The following TMEM232 variants were observed in gnomAD, a reference collection of about 807,000 sequenced individuals.
TMEM232 encodes the protein transmembrane protein 232.
TMEM232 carries 80 observed loss-of-function variants against 78.8 expected under a neutral mutation model. The ratio of observed to expected loss-of-function variants is 1.01; its 90% CI spans 0.85 to 1.22. The LOEUF (loss-of-function observed/expected upper bound fraction) is 1.22. Among genes scored for constraint, TMEM232 ranks in the 50% most tolerant of loss-of-function variants. TMEM232 has a pLI of 0.00. For missense variants in TMEM232, 881 were observed against 742.2 expected (o/e 1.19, Z -2.17); for synonymous variants, 297 against 254.3 (o/e 1.17, Z -1.60).
chr5:110,440,766 C>T (rs555026148), intron 12 of TMEM232, among the ~76,000 whole-genome samples: 2 of 152,286 alleles, frequency 1.3e-5, no homozygotes, highest in South Asian at 4.1e-4. Context: ...GCACTATCTT[C>T]TTGCCTCTGG....
intron 4 of TMEM232, 54 bp downstream of exon 4, chr5:110,640,837 C>T: frequency 1.6e-6 from 2 of 1,276,920 alleles, no homozygotes; most frequent in Non-Finnish European, 2.1e-6. Context: ...ATTATGCCTT[C>T]ACTGATGATA....
At chr5:110,612,082 G>C (rs1782366901) in intron 8 of TMEM232, among the ~76,000 whole-genome samples, 1 of 152,124 alleles carries the variant, frequency 6.6e-6, no homozygotes, top group Admixed American at 6.6e-5. Flanking sequence ...ATCCAGGGAA[G>C]ATCTACAGTC....
In TMEM232 at chr5:110,718,249, T is replaced by C. The variant is rs539750208; in HGVS notation, c.-13+8378A>G. ...TTATCATTTTAAAAATCAGAAAAAA[T>C]CTGAATTCCAAAAGTCTACCTCCAA... is the stretch of plus-strand genomic sequence containing the variant. On this transcript the variant is annotated intron_variant, in intron 1 of 13. Coordinates refer to ENST00000455884, the MANE Select transcript of TMEM232 (RefSeq NM_001039763.4). 3.9e-5 allele frequency among the ~76,000 whole-genome samples: 6 copies of C among 152,174 alleles called. No homozygotes were observed. In the East Asian group the frequency reaches 1.2e-3, roughly 29 times the overall value.
At chr5:110,505,864 T>G (rs1027552643) in intron 12 of TMEM232, among the ~76,000 whole-genome samples, 1 of 152,194 alleles carries the variant, frequency 6.6e-6, no homozygotes, top group Non-Finnish European at 1.5e-5. Context: ...CATGCTTCTT[T>G]ATTTCCTTTC....
At chr5:110,407,030 A>G (rs1470064039) in intron 2 of TMEM232, among the ~76,000 whole-genome samples, 2 of 152,088 alleles carry the variant, frequency 1.3e-5, no homozygotes, top group African/African-American at 4.8e-5. Context: ...AAAACATACT[A>G]TCAGAGATAA....
At chr5:110,455,423 G>T (rs1487077592) in intron 12 of TMEM232, among the ~76,000 whole-genome samples, 2 of 151,384 alleles carry the variant, frequency 1.3e-5, no homozygotes, top group African/African-American at 4.9e-5. Context: ...TGTTGCCCAG[G>T]CTGGAGTGCA....
intron 11 of TMEM232, among the ~76,000 whole-genome samples, chr5:110,554,705 AT>A (rs1774872168): frequency 6.6e-6 from 1 of 152,098 alleles, no homozygotes; most frequent in Non-Finnish European, 1.5e-5. Context: ...TTCCTCCTCA[AT>A]TTTTTGGAAT....
upstream of TMEM232, among the ~76,000 whole-genome samples, chr5:110,738,565 C>A (rs1310137345): frequency 6.6e-6 from 1 of 152,010 alleles, no homozygotes; most frequent in African/African-American, 2.4e-5. Context: ...ATCCAAAACC[C>A]CAAGTGCGGG....
intron 13 of TMEM232, 125 bp from the exon 14 acceptor site, chr5:110,420,881 A>C: frequency 7.8e-7 from 1 of 1,274,812 alleles, no homozygotes; most frequent in Non-Finnish European, 1.0e-6. Context: ...ACATTCCTCA[A>C]AAATTTTATA....
chr5:110,469,049 A>G (rs565387452), intron 12 of TMEM232, among the ~76,000 whole-genome samples: 25 of 152,268 alleles, frequency 1.6e-4, no homozygotes, highest in Non-Finnish European at 3.4e-4. Flanking sequence ...AGCAGCCCCA[A>G]TCAACATTTT....
intron 1 of TMEM232, among the ~76,000 whole-genome samples, chr5:110,713,016 A>G (rs1257300705): frequency 6.6e-6 from 1 of 152,240 alleles, no homozygotes; most frequent in East Asian, 1.9e-4. Flanking sequence ...CTAAGCGTCC[A>G]TCAACAGATG....
At chr5:110,667,705 A>G in intron 1 of TMEM232, 1 of 159,630 alleles carries the variant, frequency 6.3e-6, no homozygotes, top group East Asian at 1.8e-4. Context: ...CTGTAAAATG[A>G]GAATGGTATT....
At chr5:110,439,061 T>C (rs1210460318) in intron 12 of TMEM232, among the ~76,000 whole-genome samples, 1 of 152,186 alleles carries the variant, frequency 6.6e-6, no homozygotes, top group Non-Finnish European at 1.5e-5. Flanking sequence ...TTGGTACAAG[T>C]AATAAGTCAT....
intron 1 of TMEM232, among the ~76,000 whole-genome samples, chr5:110,709,090 T>C (rs760926210): frequency 3.3e-5 from 5 of 152,068 alleles, no homozygotes; most frequent in Middle Eastern, 3.2e-3. Context: ...GCTATACTTA[T>C]TTAAACAAAA....
At chr5:110,571,098 C>A (rs934008139) in intron 10 of TMEM232, among the ~76,000 whole-genome samples, 8 of 152,020 alleles carry the variant, frequency 5.3e-5, no homozygotes, top group Admixed American at 4.6e-4. Flanking sequence ...ATTAGGAATC[C>A]TTCTCTGAAT....
intron 11 of TMEM232, among the ~76,000 whole-genome samples, chr5:110,548,406 G>C (rs1364731256): frequency 6.7e-6 from 1 of 148,554 alleles, no homozygotes. Context: ...AATATTATAA[G>C]ACATTTTCAT....
chr5:110,584,472 G>A (rs1778574075), intron 10 of TMEM232, among the ~76,000 whole-genome samples: 1 of 152,060 alleles, frequency 6.6e-6, no homozygotes, highest in Non-Finnish European at 1.5e-5. Flanking sequence ...GCAAAGAATA[G>A]AATGGCAGTT....
chr5:110,638,556 G>A (rs572143320), intron 4 of TMEM232, among the ~76,000 whole-genome samples: 3 of 152,266 alleles, frequency 2.0e-5, no homozygotes, highest in South Asian at 2.1e-4. Flanking sequence ...CAGGCCCTGT[G>A]ACAGTTTCAA....
intron 8 of TMEM232, among the ~76,000 whole-genome samples, chr5:110,607,511 C>T (rs184958218): frequency 1.3e-5 from 2 of 152,126 alleles, no homozygotes; most frequent in Admixed American, 6.6e-5. Context: ...TTAGCCCCCT[C>T]AAGATGGAAT....
Sources: allele counts gnomAD v4.1 joint callset (sites outside exome capture counted in the v4.1 genomes callset), GRCh38; gene constraint gnomAD v4.1.1; transcripts MANE v1.5; gene names NCBI Gene and HGNC (gene_info 2026-07-23, HGNC 2026-07-21).